The following LEKR1 variants were observed in gnomAD, a reference collection of about 807,000 sequenced individuals.
LEKR1 encodes the protein protein LEKR1.
A neutral mutation model predicts 72.4 loss-of-function variants in LEKR1; 59 were observed. The ratio of observed to expected loss-of-function variants is 0.82; its 90% CI spans 0.66 to 1.01. The LOEUF is 1.01. LEKR1 is among the 50% of genes least tolerant of loss of function. The pLI is 0.00. For missense variants in LEKR1, 728 were observed against 759.2 expected, an observed-to-expected ratio of 0.96 and a Z score of 0.48; for synonymous variants, 257 against 263.2, an observed-to-expected ratio of 0.98 and a Z score of 0.23.
chr3:156,969,375 C>A (rs1450708153), intron 6 of LEKR1, among the ~76,000 whole-genome samples: 1 of 151,972 alleles, frequency 6.6e-6, no homozygotes, highest in African/African-American at 2.4e-5. Context: ...AGACCCCTAG[C>A]AAGACTAATA....
chr3:157,045,359 C>A lies in LEKR1; in HGVS notation c.1688C>A (p.Thr563Lys), dbSNP rs1279861703. 1 of 1,610,760 alleles carries A rather than the reference C, an allele frequency of 6.2e-7. No homozygotes were observed. The highest frequency in any genetic ancestry group is 2.2e-5 in the East Asian group (1 of 44,796). ...SQEENTFLQE[T>K]VRRECEERFE... Reference sequence around the variant, plus strand: ...TTTCAGAATACTTTTCTTCAGGAGACAGTGCGTAGAGAATGTGAAGAACGC... The same window carrying A: ...TTTCAGAATACTTTTCTTCAGGAGAAAGTGCGTAGAGAATGTGAAGAACGC... Residue 563 changes from threonine to lysine, a missense_variant, in exon 13 of 13, where the codon ACA (threonine) becomes AAA (lysine). Physicochemically the swap from Thr to Lys is moderately conservative, Grantham distance 78. Coordinates refer to ENST00000356539, the MANE Select transcript of LEKR1 (RefSeq NM_001004316.3).
chr3:156,945,232 A>G (rs576452533), intron 6 of LEKR1, among the ~76,000 whole-genome samples: 2 of 151,822 alleles, frequency 1.3e-5, no homozygotes, highest in East Asian at 1.9e-4. Flanking sequence ...AGAAATGTCT[A>G]TTTAGATCTT....
Position 157,002,315 on chromosome 3 carries a change from G to A in LEKR1, c.1109+9038G>A, listed in dbSNP as rs372359984. ...CTAAATTTCTAGCAAAAAGTCCTAC[G>A]TGAGTCAGAGTTGGTTCTTCATAGT... On this transcript the variant is annotated intron_variant, in intron 9 of 12. Coordinates refer to ENST00000356539, the MANE Select transcript of LEKR1 (RefSeq NM_001004316.3). 1.1e-3 allele frequency among the ~76,000 whole-genome samples: 167 copies of A among 152,066 alleles called. 2 individuals are homozygous for A. In the South Asian group the frequency reaches 0.033, roughly 30 times the overall value.
chr3:156,869,564 T>C lies in LEKR1; in HGVS notation c.263+16582T>C, dbSNP rs534580689. Among the ~76,000 whole-genome samples, 3 of 152,168 alleles carry C rather than the reference T, an allele frequency of 2.0e-5. No homozygotes were observed. In the East Asian group the frequency reaches 5.8e-4, roughly 29 times the overall value. ...ATTGAATTATTTGGTTTTTTACTGCTAAGGGTTTTTTTTTCTAATTTCTTG... is the reference window on the plus strand; with the variant it reads ...ATTGAATTATTTGGTTTTTTACTGCCAAGGGTTTTTTTTTCTAATTTCTTG... On this transcript the variant is annotated intron_variant, in intron 3 of 12. Transcript: ENST00000356539.
Position 157,028,185 on chromosome 3 carries a change from T to G in LEKR1, c.1451T>G (p.Ile484Ser). 2 of 1,612,300 alleles carry G rather than the reference T, an allele frequency of 1.2e-6. No individual in the cohort carries two copies. The highest frequency in any genetic ancestry group is 1.7e-6 in the Non-Finnish European group (2 of 1,178,776). Residue 484 changes from isoleucine to serine, a missense_variant, in exon 12 of 13, where the codon ATT becomes AGT. Coordinates refer to ENST00000356539, the MANE Select transcript of LEKR1 (RefSeq NM_001004316.3). ...TLKEKLHKSH[I>S]RYTEESNSKE... ...AAAGAAAAACTTCACAAATCCCATATTCGGTACACTGAAGAATCTAATTCA... is the reference window on the plus strand; with the variant it reads ...AAAGAAAAACTTCACAAATCCCATAGTCGGTACACTGAAGAATCTAATTCA...
intron 3 of LEKR1, among the ~76,000 whole-genome samples, chr3:156,888,141 G>A (rs891268765): frequency 1.3e-5 from 2 of 152,132 alleles, no homozygotes; most frequent in African/African-American, 2.4e-5. Context: ...ATGTGATTGC[G>A]TAGGAGGGCT....
chr3:156,880,848 A>T (rs1399820049), intron 3 of LEKR1, among the ~76,000 whole-genome samples: 3 of 152,240 alleles, frequency 2.0e-5, no homozygotes, highest in African/African-American at 7.2e-5. Flanking sequence ...GGTTCAATAT[A>T]TGCAAATCAA....
chr3:156,849,981 A>G (rs1046695993), intron 2 of LEKR1, among the ~76,000 whole-genome samples: 1 of 152,194 alleles, frequency 6.6e-6, no homozygotes, highest in East Asian at 1.9e-4. Context: ...AACCTACACA[A>G]TGGGAGAAAA....
intron 9 of LEKR1, among the ~76,000 whole-genome samples, chr3:157,001,431 T>TA (rs1389688595): frequency 6.6e-6 from 1 of 152,204 alleles, no homozygotes; most frequent in Non-Finnish European, 1.5e-5. Context: ...AAACAGAATT[T>TA]AAAACTGTCA....
chr3:157,032,365 C>T lies in LEKR1; in HGVS notation c.1668+3963C>T, dbSNP rs571081513. 2.6e-5 allele frequency among the ~76,000 whole-genome samples: 4 copies of T among 152,230 alleles called. No individual in the cohort carries two copies. The South Asian group carries it at 8.3e-4, about 32-fold the overall frequency. The stretch of plus-strand genomic sequence containing the variant: ...ACCACACATAAGGGAGCCAAAAGAG[C>T]AGTAGTTTTAAATGCTATAGTTCTT... On this transcript the variant is annotated intron_variant, in intron 12 of 12. Transcript: ENST00000356539.
intron 7 of LEKR1, among the ~76,000 whole-genome samples, chr3:156,983,875 C>G (rs1014333792): frequency 1.3e-5 from 2 of 152,138 alleles, no homozygotes; most frequent in Non-Finnish European, 2.9e-5. Context: ...GATCTTAAGT[C>G]TGAGGATTCA....
chr3:156,985,951 A>C (rs1730641563), intron 7 of LEKR1, among the ~76,000 whole-genome samples: 1 of 152,178 alleles, frequency 6.6e-6, no homozygotes, highest in Non-Finnish European at 1.5e-5. Flanking sequence ...AGAGGGTCAA[A>C]GTCACAAAAG....
chr3:157,030,573 A>G (rs1734530441), intron 12 of LEKR1, among the ~76,000 whole-genome samples: 1 of 152,234 alleles, frequency 6.6e-6, no homozygotes, highest in African/African-American at 2.4e-5. Context: ...AAGAGCCTGT[A>G]TAAGTTATCT....
intron 3 of LEKR1, among the ~76,000 whole-genome samples, chr3:156,882,317 C>A (rs757697244): frequency 0.066 from 9,976 of 150,788 alleles, 383 homozygotes; most frequent in African/African-American, 0.11. Flanking sequence ...AAAAAACAAA[C>A]AACCCCATCA....
intron 10 of LEKR1, among the ~76,000 whole-genome samples, chr3:157,016,616 A>T (rs1733361228): frequency 7.3e-6 from 1 of 136,150 alleles, no homozygotes; most frequent in Admixed American, 7.4e-5. Context: ...GCTATACCAG[A>T]TGGAAATATG....
chr3:157,018,806 A>C (rs1474866615), intron 10 of LEKR1, among the ~76,000 whole-genome samples: 1 of 152,192 alleles, frequency 6.6e-6, no homozygotes, highest in Non-Finnish European at 1.5e-5. Flanking sequence ...GAGTTGTAAG[A>C]ATTAAAAGAG....
intron 12 of LEKR1, among the ~76,000 whole-genome samples, chr3:157,029,437 C>G (rs925734418): frequency 2.0e-5 from 3 of 152,010 alleles, no homozygotes; most frequent in African/African-American, 7.2e-5. Context: ...TAAGGTCAGA[C>G]AGTTTGGTGG....
chr3:156,995,324 C>T (rs944518289), intron 9 of LEKR1, among the ~76,000 whole-genome samples: 3 of 152,128 alleles, frequency 2.0e-5, no homozygotes, highest in Non-Finnish European at 4.4e-5. Flanking sequence ...TAATCTTACC[C>T]TCTAAATGTT....
At position 156,852,897 on chromosome 3, in the gene LEKR1, C is replaced by T. The variant is rs139200350; in HGVS notation, c.178C>T (p.Arg60Cys). Reference sequence around the variant, plus strand: ...GAAATTTTATCAAGGAAGTGTAGATCGTGAAAAGAGACTTCAAGAAAAGCT... The same window carrying T: ...GAAATTTTATCAAGGAAGTGTAGATTGTGAAAAGAGACTTCAAGAAAAGCT... Reference protein sequence around the residue: ...EMKFYQGSVDREKRLQEKLHS... With the variant: ...EMKFYQGSVDCEKRLQEKLHS... The change falls in exon 3 of 13, where the codon CGT becomes TGT. Residue 60 changes from arginine to cysteine, a missense_variant. Coordinates refer to ENST00000356539, the MANE Select transcript of LEKR1 (RefSeq NM_001004316.3). 385 of 1,530,504 alleles carry T rather than the reference C, an allele frequency of 2.5e-4. No individual in the cohort carries two copies. The highest frequency in any genetic ancestry group is 1.6e-3 in the East Asian group (63 of 40,580). The allele number at this position is 1,530,504 out of a possible 1,614,324, so 94.8% of individuals were successfully genotyped here. A position where few individuals can be genotyped will look rare whatever the true frequency, so the allele number is the denominator to read the frequency against.
Sources: gnomAD v4.1 joint callset for allele counts (sites outside exome capture counted in the v4.1 genomes callset) on GRCh38, gnomAD v4.1.1 for gene constraint, MANE v1.5 for transcripts, NCBI Gene and HGNC (gene_info 2026-07-23, HGNC 2026-07-21) for gene names.